Variants in EEF1A2 observed in about 807,000 individuals in gnomAD.
The protein encoded by EEF1A2 is elongation factor 1-alpha 2.
A neutral mutation model predicts 39.3 loss-of-function variants in EEF1A2; 5 were observed. The ratio of observed to expected loss-of-function variants is 0.13; its 90% CI spans 0.07 to 0.27. The LOEUF (loss-of-function observed/expected upper bound fraction) is 0.27, where lower values mean the gene tolerates loss of function less well. Ranked by LOEUF, EEF1A2 falls within the 10% of genes least tolerant of loss-of-function variation. The probability of loss-of-function intolerance (pLI) is 1.00; values close to 1 mark genes in which losing one functional copy is unlikely to be tolerated. For missense variants in EEF1A2, 218 were observed against 681.4 expected, an observed-to-expected ratio of 0.32 and a Z score of 7.57; for synonymous variants, 287 against 293.7, an observed-to-expected ratio of 0.98 and a Z score of 0.23.
chr20:63,492,492 GGACA>G (rs2082391580), intron 5 of EEF1A2, among the ~76,000 whole-genome samples: 1 of 151,770 alleles, frequency 6.6e-6, no homozygotes, highest in Non-Finnish European at 1.5e-5. Context: ...ATGGATGGAT[GGACA>G]GAAGGATGGA....
chr20:63,491,872 GGATAGATGGATGGA>G (rs1568995575), intron 5 of EEF1A2, among the ~76,000 whole-genome samples: 3 of 79,900 alleles, frequency 3.8e-5, no homozygotes, highest in East Asian at 1.1e-3. Flanking sequence ...GGAGGTGGAT[GGATAGATGGATGGA>G]TGGATGGATG....
At chr20:63,489,612 G>A (rs12625703) in intron 6 of EEF1A2, among the ~76,000 whole-genome samples, 37,866 of 151,902 alleles carry the variant, frequency 0.25, 5,901 homozygotes, top group Middle Eastern at 0.45. Context: ...GTGAAACCCC[G>A]TATCTACTAA....
intron 7 of EEF1A2, 38 bp from the exon 8 acceptor site, chr20:63,488,463 G>T: frequency 7.2e-7 from 1 of 1,386,710 alleles, no homozygotes; most frequent in South Asian, 1.5e-5. Flanking sequence ...GGGGCCGGAG[G>T]ACTTGACCCC....
chr20:63,494,703 G>A, intron 4 of EEF1A2, 102 bp downstream of exon 4: 1 of 1,437,518 alleles, frequency 7.0e-7, no homozygotes. Context: ...GCATTTCCCG[G>A]GGACAGGCCC....
intron 5 of EEF1A2, among the ~76,000 whole-genome samples, chr20:63,491,098 C>T (rs1197625537): frequency 6.6e-6 from 1 of 152,200 alleles, no homozygotes; most frequent in Non-Finnish European, 1.5e-5. Flanking sequence ...TCAAAGGAGG[C>T]ACTATGGGAC....
At chr20:63,488,469 A>T (rs765350886) in intron 7 of EEF1A2, 44 bp from the exon 8 acceptor site, 2 of 1,336,232 alleles carry the variant, frequency 1.5e-6, no homozygotes, top group Non-Finnish European at 1.9e-6. Context: ...GGAGGACTTG[A>T]CCCCCCCCAA....
intron 4 of EEF1A2, 93 bp downstream of exon 4, chr20:63,494,712 C>G: frequency 6.8e-7 from 1 of 1,473,728 alleles, no homozygotes; most frequent in Non-Finnish European, 9.0e-7. Flanking sequence ...GGGGACAGGC[C>G]CTCGACCTCC....
At chr20:63,494,094 C>T (rs2082405192) in intron 4 of EEF1A2, among the ~76,000 whole-genome samples, 2 of 152,254 alleles carry the variant, frequency 1.3e-5, no homozygotes, top group Non-Finnish European at 1.5e-5. Context: ...TGCTGCTGGT[C>T]TGTCTCCCTG....
intron 7 of EEF1A2, 151 bp from the exon 8 acceptor site, chr20:63,488,576 G>A (rs1347975129): frequency 1.8e-6 from 2 of 1,100,784 alleles, no homozygotes; most frequent in African/African-American, 1.7e-5. Context: ...GGCCGGCCTC[G>A]CGGGAGTCCT....
Position 63,497,991 on chromosome 20 carries a change from C to T in EEF1A2, c.-71-157G>A, listed in dbSNP as rs1269640784. 5.6e-6 allele frequency: 3 copies of T among 539,892 alleles called. No individual in the cohort carries two copies. In the African/African-American group the frequency reaches 5.8e-5, roughly 10 times the overall value. 33.4% of individuals were successfully genotyped at this position (539,892 alleles called of 1,614,324 possible). ...GAAGGGCCCCCACCCACAGCTGGGC[C>T]TGGCCAGGGCAAGCAGAGGCTGTGC... is the stretch of plus-strand genomic sequence containing the variant. On this transcript the variant is annotated intron_variant, in intron 1 of 7. Coordinates refer to ENST00000217182, the MANE Select transcript of EEF1A2 (RefSeq NM_001958.5). The surrounding 1 kb of genome is among the most constrained non-coding windows in gnomAD (Gnocchi z 7.3).
intron 2 of EEF1A2, 129 bp from the exon 3 acceptor site, chr20:63,496,164 C>T (rs2082415602): frequency 5.1e-6 from 6 of 1,185,564 alleles, no homozygotes; most frequent in African/African-American, 3.0e-5. Context: ...CCTTGCTCTC[C>T]GTCGGGGTCC....
chr20:63,488,722 C>G (rs534365715), intron 7 of EEF1A2, among the ~76,000 whole-genome samples, 196 bp downstream of exon 7: 1 of 152,340 alleles, frequency 6.6e-6, no homozygotes, highest in East Asian at 1.9e-4. Context: ...ACACAGGGCC[C>G]ACCCCAGCTC....
rs1272445373 is a variant in EEF1A2 at position 63,494,872 on chromosome 20, G to A, written c.554C>T (p.Pro185Leu). 6 of 1,612,710 alleles carry A rather than the reference G, an allele frequency of 3.7e-6. No individual in the cohort carries two copies. Among genetic ancestry groups the A allele is most frequent in the Non-Finnish European group, 4.2e-6 (5 of 1,179,934 alleles). The change falls in exon 4 of 8, where the codon CCG (proline) becomes CTG (leucine). Residue 185 changes from proline to leucine, a missense_variant. Pro to Leu is a moderately conservative substitution (Grantham distance 98). Transcript: ENST00000217182. Reference sequence around the variant, plus strand: ...GATGGGCACAAAGGGCACGGTGGCCGGGTTGTAGCCGATCTTCTTGATGTA... The same window carrying A: ...GATGGGCACAAAGGGCACGGTGGCCAGGTTGTAGCCGATCTTCTTGATGTA... ...SAYIKKIGYN[P>L]ATVPFVPISG... is the part of the protein sequence containing the mutation.
At chr20:63,496,082 G>A in intron 2 of EEF1A2, 47 bp from the exon 3 acceptor site, 1 of 1,603,972 alleles carries the variant, frequency 6.2e-7, no homozygotes, top group Non-Finnish European at 8.5e-7. Flanking sequence ...CGGGACCCAG[G>A]AGTCCCTGGT....
chr20:63,490,366 G>C, intron 6 of EEF1A2, 113 bp downstream of exon 6: 2 of 1,388,874 alleles, frequency 1.4e-6, no homozygotes, highest in Admixed American at 2.3e-5. Context: ...CGCCCAGCCT[G>C]AGGGTCTGGT....
intron 2 of EEF1A2, chr20:63,496,255 G>A: frequency 1.7e-6 from 1 of 591,194 alleles, no homozygotes. Flanking sequence ...CTCCGAAATG[G>A]GCGCGGCTAC....
intron 5 of EEF1A2, among the ~76,000 whole-genome samples, chr20:63,491,958 GTGGATGGATGGATGGA>G (rs145650602): frequency 6.3e-4 from 43 of 68,556 alleles, no homozygotes; most frequent in East Asian, 2.5e-3. Flanking sequence ...GGATGGGGAG[GTGGATGGATGGATGGA>G]TGGATGGATG....
intron 4 of EEF1A2, 115 bp downstream of exon 4, chr20:63,494,689 AC>A: frequency 1.5e-6 from 2 of 1,369,278 alleles, no homozygotes; most frequent in Non-Finnish European, 1.9e-6. Flanking sequence ...TTCGAGGGGA[AC>A]CTGCATTTCC....
Position 63,489,081 on chromosome 20 carries a change from G to A in EEF1A2, c.1101C>T (p.His367=). ...TCAGCTCCGCAAACTTGCAGGCGATGTGGGCTGTGTGGCAGTCGATGACCG... is the reference window on the plus strand; with the variant it reads ...TCAGCTCCGCAAACTTGCAGGCGATATGGGCTGTGTGGCAGTCGATGACCG... The part of the protein sequence containing the change: ...YSPVIDCHTA[H]IACKFAELKE... Residue 367 remains histidine, a synonymous_variant, in exon 7 of 8, where the codon CAC becomes CAT. Transcript: ENST00000217182. 3 of 1,612,804 alleles carry A rather than the reference G, an allele frequency of 1.9e-6. No homozygotes were observed. The highest frequency in any genetic ancestry group is 1.1e-5 in the South Asian group (1 of 91,086).
Sources: gnomAD v4.1 joint callset for allele counts (sites outside exome capture counted in the v4.1 genomes callset) on GRCh38, gnomAD v4.1.1 for gene constraint, Gnocchi (gnomAD v3.1) non-coding constraint, MANE v1.5 for transcripts, NCBI Gene and HGNC (gene_info 2026-07-23, HGNC 2026-07-21) for gene names.